Variants in CDS1 observed in about 807,000 individuals in gnomAD.
CDS1 encodes CDP-diacylglycerol synthase 1.
CDS1 carries 41 observed loss-of-function variants against 62.1 expected under a neutral mutation model. The observed-to-expected ratio is 0.66, with a 90% CI of 0.51 to 0.86. The LOEUF (loss-of-function observed/expected upper bound fraction) is 0.86. Ranked by LOEUF, CDS1 falls within the 40% of genes least tolerant of loss-of-function variation. CDS1 has a pLI of 0.00. For missense variants in CDS1, 470 were observed against 550.1 expected (o/e 0.85, Z 1.46); for synonymous variants, 185 against 192.6 (o/e 0.96, Z 0.32).
intron 5 of CDS1, among the ~76,000 whole-genome samples, chr4:84,620,042 G>T (rs114921907): frequency 7.6e-6 from 1 of 130,764 alleles, no homozygotes; most frequent in African/African-American, 2.9e-5. Flanking sequence ...AAAAAAAAAA[G>T]AAAGAATCAC....
At chr4:84,636,948 T>G (rs1422569560) in intron 8 of CDS1, among the ~76,000 whole-genome samples, 1 of 152,236 alleles carries the variant, frequency 6.6e-6, no homozygotes, top group African/African-American at 2.4e-5. Context: ...GTTATATGAA[T>G]GCAGTTTTGG....
intron 2 of CDS1, among the ~76,000 whole-genome samples, chr4:84,605,010 GTGA>G (rs1449387054): frequency 6.6e-6 from 1 of 152,136 alleles, no homozygotes; most frequent in Non-Finnish European, 1.5e-5. Flanking sequence ...TTAAAAATGT[GTGA>G]TGACCACAAA....
intron 8 of CDS1, among the ~76,000 whole-genome samples, 196 bp downstream of exon 8, chr4:84,635,547 T>C (rs1578049570): frequency 2.0e-5 from 3 of 151,050 alleles, no homozygotes; most frequent in African/African-American, 7.3e-5. Flanking sequence ...TTCTGTTGGC[T>C]CCTCAGGAAG....
chr4:84,603,682 A>G (rs993872548), intron 1 of CDS1, among the ~76,000 whole-genome samples: 2 of 152,202 alleles, frequency 1.3e-5, no homozygotes, highest in African/African-American at 4.8e-5. Context: ...AACTTCTTTA[A>G]AAATCTCATC....
At chr4:84,595,158 C>A (rs1343707715) in intron 1 of CDS1, among the ~76,000 whole-genome samples, 1 of 152,100 alleles carries the variant, frequency 6.6e-6, no homozygotes, top group African/African-American at 2.4e-5. Flanking sequence ...AGATGACTGG[C>A]TAAAGGTGAT....
At chr4:84,585,512 A>G (rs973764540) in intron 1 of CDS1, among the ~76,000 whole-genome samples, 1 of 152,224 alleles carries the variant, frequency 6.6e-6, no homozygotes, top group African/African-American at 2.4e-5. Context: ...ATCAGTTTGC[A>G]CACTGGAGGC....
chr4:84,598,090 C>T (rs1196211321), intron 1 of CDS1, among the ~76,000 whole-genome samples: 1 of 149,218 alleles, frequency 6.7e-6, no homozygotes, highest in Non-Finnish European at 1.5e-5. Context: ...CGTGCCACTG[C>T]ACTCCAGCCT....
intron 1 of CDS1, among the ~76,000 whole-genome samples, chr4:84,589,403 C>G (rs916588251): frequency 6.6e-6 from 1 of 152,174 alleles, no homozygotes; most frequent in Non-Finnish European, 1.5e-5. Context: ...TGGTACACTT[C>G]ACTACAGGTT....
chr4:84,615,868 A>G (rs1390306982), intron 3 of CDS1, among the ~76,000 whole-genome samples: 2 of 152,180 alleles, frequency 1.3e-5, no homozygotes, highest in Non-Finnish European at 1.5e-5. Flanking sequence ...CCAGTCCTGG[A>G]AGATACACAT....
intron 6 of CDS1, among the ~76,000 whole-genome samples, chr4:84,633,449 A>T (rs1724085184): frequency 6.6e-6 from 1 of 152,254 alleles, no homozygotes; most frequent in African/African-American, 2.4e-5. Context: ...ACTCTGAAAG[A>T]AAAGGAATTT....
At chr4:84,640,070 A>G (rs965465655) in intron 9 of CDS1, among the ~76,000 whole-genome samples, 1 of 149,596 alleles carries the variant, frequency 6.7e-6, no homozygotes, top group Non-Finnish European at 1.5e-5. Context: ...GCTACCCCAT[A>G]AGCATGTAAT....
At chr4:84,628,119 A>G (rs1723912455) in intron 5 of CDS1, among the ~76,000 whole-genome samples, 1 of 152,106 alleles carries the variant, frequency 6.6e-6, no homozygotes, top group African/African-American at 2.4e-5. Context: ...TTGATGCTAG[A>G]AAGTTTTGAT....
Position 84,604,168 on chromosome 4 carries a change from A to T in CDS1, c.118-75A>T, listed in dbSNP as rs1723020077. The T allele has an allele frequency of 5.7e-6, 7 of 1,237,532 alleles. No individual in the cohort carries two copies. In the South Asian group the frequency reaches 9.7e-5, roughly 17 times the overall value. 76.7% of individuals were successfully genotyped at this position (1,237,532 alleles called of 1,614,324 possible). A position where few individuals can be genotyped will look rare whatever the true frequency, so the allele number is the denominator to read the frequency against. On this transcript the variant is annotated intron_variant, in intron 1 of 12. Coordinates refer to ENST00000295887, the MANE Select transcript of CDS1 (RefSeq NM_001263.4). ...GTCACTGAGATTTGACACACTGAGC[A>T]ATAAATGAATGTATTGGCCAGCCTG...
intron 1 of CDS1, among the ~76,000 whole-genome samples, chr4:84,596,090 G>A (rs530219971): frequency 2.0e-5 from 3 of 152,156 alleles, no homozygotes; most frequent in South Asian, 2.1e-4. Context: ...AGAGATGACA[G>A]TCATAATTCT....
In CDS1 at chr4:84,606,299, TTGTGCAG is replaced by T. The variant is rs1208908844; in HGVS notation, c.245+1934_245+1940del. On this transcript the variant is annotated intron_variant, in intron 2 of 12. Coordinates refer to ENST00000295887, the MANE Select transcript of CDS1 (RefSeq NM_001263.4). Reference sequence around the variant, plus strand: ...GTGTTTACCCTTTGAGGCTTTTTTCTTGTGCAGTGTGTGTGTGTGTGTGTGTGTGTGT... The same window carrying T: ...GTGTTTACCCTTTGAGGCTTTTTTCTTGTGTGTGTGTGTGTGTGTGTGTGT... Among the ~76,000 whole-genome samples the T allele has an allele frequency of 6.0e-3, 698 of 116,466 alleles. 2 individuals are homozygous for T. Among genetic ancestry groups the T allele is most frequent in the African/African-American group, 0.021 (665 of 31,518 alleles). 76.4% of individuals were successfully genotyped at this position (116,466 alleles called of 152,430 possible).
chr4:84,594,558 A>G lies in CDS1; in HGVS notation c.118-9685A>G, dbSNP rs980261248. Among the ~76,000 whole-genome samples, 3 of 152,112 alleles carry G rather than the reference A, an allele frequency of 2.0e-5. No individual in the cohort carries two copies. In the East Asian group the frequency reaches 5.8e-4, roughly 29 times the overall value. On this transcript the variant is annotated intron_variant, in intron 1 of 12. Coordinates refer to ENST00000295887, the MANE Select transcript of CDS1 (RefSeq NM_001263.4). ...CCAAAGAAGTATATTTTGGGGTGGC[A>G]TATTCTAGTTCTCTATAGTCATATT...
At chr4:84,596,548 AG>A (rs1322902340) in intron 1 of CDS1, among the ~76,000 whole-genome samples, 2 of 152,194 alleles carry the variant, frequency 1.3e-5, no homozygotes, top group African/African-American at 4.8e-5. Flanking sequence ...TCCACTTATA[AG>A]GACCCTTGTG....
At chr4:84,589,954 G>C (rs1181595517) in intron 1 of CDS1, among the ~76,000 whole-genome samples, 1 of 152,180 alleles carries the variant, frequency 6.6e-6, no homozygotes, top group African/African-American at 2.4e-5. Context: ...GGGACTACAG[G>C]CACCCGCCAC....
chr4:84,643,003 C>T, intron 10 of CDS1, 21 bp from the exon 11 acceptor site: 1 of 1,572,454 alleles, frequency 6.4e-7, no homozygotes, highest in Non-Finnish European at 8.7e-7. Flanking sequence ...CCCCTCTCCT[C>T]CCCTTCTTTC....
Sources: allele counts gnomAD v4.1 joint callset (sites outside exome capture counted in the v4.1 genomes callset), GRCh38; gene constraint gnomAD v4.1.1; transcripts MANE v1.5; gene names NCBI Gene and HGNC (gene_info 2026-07-23, HGNC 2026-07-21).